The following XYLT1 variants were observed in gnomAD, a reference collection of about 807,000 sequenced individuals.
XYLT1 encodes the protein xylosyltransferase 1.
In XYLT1, 36 loss-of-function variants were observed where a neutral mutation model predicts 91.3. The ratio of observed to expected loss-of-function variants is 0.39; its 90% confidence interval spans 0.30 to 0.52. XYLT1 has a LOEUF of 0.52. XYLT1 is among the 20% of genes least tolerant of loss of function. XYLT1 has a pLI of 0.68. For synonymous variants in XYLT1, 588 were observed against 532.0 expected (o/e 1.11, Z -1.45); for missense variants, 1,242 against 1,284.5 (o/e 0.97, Z 0.51).
chr16:17,113,422 C>T (rs567875481), intron 11 of XYLT1, among the ~76,000 whole-genome samples: 5 of 152,332 alleles, frequency 3.3e-5, no homozygotes, highest in South Asian at 4.1e-4. Flanking sequence ...GGATTTCAGG[C>T]GTGAGCCACT....
At chr16:17,242,391 T>C (rs767418531) in intron 3 of XYLT1, among the ~76,000 whole-genome samples, 1 of 152,222 alleles carries the variant, frequency 6.6e-6, no homozygotes, top group African/African-American at 2.4e-5. Context: ...TGTCAATCCC[T>C]ATGTTAAAGT....
chr16:17,215,193 T>A lies in XYLT1; in HGVS notation c.914-14539A>T, dbSNP rs553206997. Among the ~76,000 whole-genome samples the A allele has an allele frequency of 7.2e-4, 110 of 152,202 alleles. 1 individual carries two copies. The highest frequency in any genetic ancestry group is 2.4e-3 in the African/African-American group (100 of 41,508). ...CAATATGGTAAAAACTTGTCTCTATTAAAAATACAAAAATTAGCCAGGCAT... is the reference window on the plus strand; with the variant it reads ...CAATATGGTAAAAACTTGTCTCTATAAAAAATACAAAAATTAGCCAGGCAT... On this transcript the variant is annotated intron_variant, in intron 3 of 11. Coordinates refer to ENST00000261381, the MANE Select transcript of XYLT1 (RefSeq NM_022166.4).
intron 5 of XYLT1, among the ~76,000 whole-genome samples, chr16:17,168,282 C>T (rs2031745871): frequency 6.6e-6 from 1 of 152,142 alleles, no homozygotes; most frequent in African/African-American, 2.4e-5. Flanking sequence ...AAAATCATGT[C>T]CTTTGCTGCA....
At chr16:17,456,760 T>C (rs1337097075) in intron 1 of XYLT1, among the ~76,000 whole-genome samples, 2 of 152,166 alleles carry the variant, frequency 1.3e-5, no homozygotes, top group African/African-American at 2.4e-5. Flanking sequence ...CTGGCTGAGT[T>C]GAAATTCCAA....
chr16:17,335,569 A>G (rs1460444825), intron 2 of XYLT1, among the ~76,000 whole-genome samples: 1 of 151,894 alleles, frequency 6.6e-6, no homozygotes, highest in East Asian at 1.9e-4. Flanking sequence ...GGGCGCCTGT[A>G]ATCAATCACA....
chr16:17,306,409 C>T (rs1462640073), intron 2 of XYLT1, among the ~76,000 whole-genome samples: 1 of 151,992 alleles, frequency 6.6e-6, no homozygotes, highest in Non-Finnish European at 1.5e-5. Context: ...TCTGGGAGGC[C>T]GAGGCAGGCG....
intron 2 of XYLT1, among the ~76,000 whole-genome samples, chr16:17,288,384 G>C (rs2034172914): frequency 1.3e-5 from 2 of 151,974 alleles, no homozygotes; most frequent in Admixed American, 1.3e-4. Context: ...CTCATGGCAA[G>C]AGTAACGGCA....
intron 2 of XYLT1, among the ~76,000 whole-genome samples, chr16:17,325,400 C>G (rs2034785385): frequency 6.6e-6 from 1 of 151,988 alleles, no homozygotes; most frequent in Admixed American, 6.6e-5. Context: ...GACTCTGTCT[C>G]AAAACAAAAA....
At chr16:17,250,582 C>T (rs975106921) in intron 3 of XYLT1, 2 of 152,254 alleles carry the variant, frequency 1.3e-5, no homozygotes, top group Non-Finnish European at 2.9e-5. Flanking sequence ...TCCTGGAGCA[C>T]AGCCTTGAAT....
At chr16:17,421,351 A>G (rs1289313090) in intron 1 of XYLT1, among the ~76,000 whole-genome samples, 3 of 152,234 alleles carry the variant, frequency 2.0e-5, no homozygotes, top group African/African-American at 7.2e-5. Context: ...GCTCTTCTGC[A>G]AGGTGACTTT....
chr16:17,371,610 T>G (rs2141874945), intron 1 of XYLT1, among the ~76,000 whole-genome samples: 1 of 152,360 alleles, frequency 6.6e-6, no homozygotes, highest in South Asian at 2.1e-4. Flanking sequence ...AGGAAGGTAC[T>G]ATACGTACTA....
intron 3 of XYLT1, among the ~76,000 whole-genome samples, chr16:17,235,991 C>T (rs549747376): frequency 1.1e-4 from 17 of 152,234 alleles, no homozygotes; most frequent in East Asian, 7.7e-4. Flanking sequence ...CTCAGCCTCC[C>T]GAGTAGCTGG....
chr16:17,354,225 C>T (rs113037156), intron 2 of XYLT1, among the ~76,000 whole-genome samples: 2,478 of 152,234 alleles, frequency 0.016, 70 homozygotes, highest in African/African-American at 0.057. Flanking sequence ...CCTGCCGAGC[C>T]GGGAAGCTGA....
chr16:17,117,371 T>C (rs1966854377), intron 11 of XYLT1, among the ~76,000 whole-genome samples: 1 of 152,212 alleles, frequency 6.6e-6, no homozygotes, highest in Non-Finnish European at 1.5e-5. Context: ...TCCCATCTTG[T>C]CTTCAATATG....
At chr16:17,131,698 GA>G (rs779351836) in intron 9 of XYLT1, among the ~76,000 whole-genome samples, 20 of 150,476 alleles carry the variant, frequency 1.3e-4, no homozygotes, top group African/African-American at 3.0e-4. Flanking sequence ...TTTATAATGA[GA>G]AAAAAAAATC....
intron 2 of XYLT1, among the ~76,000 whole-genome samples, chr16:17,262,408 T>C (rs1040803652): frequency 5.3e-4 from 80 of 152,284 alleles, no homozygotes; most frequent in Middle Eastern, 3.4e-3. Context: ...AAATCTGCTA[T>C]TGTATCACGC....
At chr16:17,340,374 A>G (rs2035048652) in intron 2 of XYLT1, among the ~76,000 whole-genome samples, 1 of 152,246 alleles carries the variant, frequency 6.6e-6, no homozygotes, top group Non-Finnish European at 1.5e-5. Flanking sequence ...CTGAACACAG[A>G]GCTCTGTCTC....
At chr16:17,450,029 A>T (rs1161725710) in intron 1 of XYLT1, among the ~76,000 whole-genome samples, 1 of 152,208 alleles carries the variant, frequency 6.6e-6, no homozygotes, top group Non-Finnish European at 1.5e-5. Context: ...TATGATGGTG[A>T]TGGCAGTTAC....
chr16:17,286,170 G>A (rs977669384), intron 2 of XYLT1, among the ~76,000 whole-genome samples: 4 of 152,056 alleles, frequency 2.6e-5, no homozygotes, highest in African/African-American at 9.7e-5. Flanking sequence ...TCAAGGTCCC[G>A]GCACTAGTAA....
Sources: allele counts gnomAD v4.1 joint callset (sites outside exome capture counted in the v4.1 genomes callset), GRCh38; gene constraint gnomAD v4.1.1; transcripts MANE v1.5; gene names NCBI Gene and HGNC (gene_info 2026-07-23, HGNC 2026-07-21).